Variants in RHEB observed in about 807,000 individuals in gnomAD.
RHEB encodes the protein Ras homolog, mTORC1 binding.
Under a neutral mutation model 28.8 loss-of-function variants are expected in RHEB, and 2 were observed. The ratio of observed to expected loss-of-function variants is 0.07; its 90% CI spans 0.03 to 0.22. The LOEUF (loss-of-function observed/expected upper bound fraction) is 0.22. Among genes scored for constraint, RHEB ranks in the 10% least tolerant of loss-of-function variants. The probability of loss-of-function intolerance (pLI) is 1.00; values close to 1 mark genes in which losing one functional copy is unlikely to be tolerated. For synonymous variants in RHEB, 69 were observed against 77.3 expected (o/e 0.89, Z 0.56); for missense variants, 76 against 219.9 (o/e 0.35, Z 4.14).
chr7:151,498,468 C>T (rs901083080), intron 1 of RHEB, among the ~76,000 whole-genome samples: 32 of 151,030 alleles, frequency 2.1e-4, no homozygotes, highest in Non-Finnish European at 1.5e-5. Flanking sequence ...AAAAAAAATA[C>T]AAAAAAAAAT....
intron 1 of RHEB, among the ~76,000 whole-genome samples, chr7:151,494,934 A>C (rs1356820136): frequency 1.3e-5 from 2 of 152,042 alleles, no homozygotes; most frequent in African/African-American, 4.8e-5. Flanking sequence ...TCATAAATAA[A>C]CCCCACCGCT....
intron 1 of RHEB, among the ~76,000 whole-genome samples, chr7:151,497,787 C>T (rs1802700141): frequency 6.6e-6 from 1 of 152,174 alleles, no homozygotes; most frequent in Admixed American, 6.5e-5. Flanking sequence ...GCTGTTCTAT[C>T]CCCTTGTTCT....
chr7:151,501,950 G>A, intron 1 of RHEB: 1 of 696,138 alleles, frequency 1.4e-6, no homozygotes, highest in Non-Finnish European at 2.6e-6. Context: ...TAAGAGCTTG[G>A]AGGCGGGCTG....
At chr7:151,489,032 C>T (rs1444622246) in intron 2 of RHEB, among the ~76,000 whole-genome samples, 2 of 152,182 alleles carry the variant, frequency 1.3e-5, no homozygotes, top group Non-Finnish European at 2.9e-5. Context: ...CCTCAAACTC[C>T]TGGGTTCAAG....
In RHEB at chr7:151,490,967, A is replaced by T; in HGVS notation, c.100T>A (p.Ser34Thr). The T allele has an allele frequency of 1.2e-6, 2 of 1,612,570 alleles. No individual in the cohort carries two copies. The highest frequency in any genetic ancestry group is 1.7e-6 in the Non-Finnish European group (2 of 1,179,094). ...CTGTTTTCTATGGTTGGATCGTAGG[A>T]GTCCACAAATTGGCCTTCAACAAAT... ...IQFVEGQFVD[S>T]YDPTIENTFT... Residue 34 changes from serine (S) to threonine (T), a missense_variant, in exon 2 of 8, where the codon TCC (serine) becomes ACC (threonine). Transcript: ENST00000262187.
At chr7:151,481,405 G>C (rs1053090821) in intron 3 of RHEB, among the ~76,000 whole-genome samples, 8 of 152,158 alleles carry the variant, frequency 5.3e-5, no homozygotes, top group African/African-American at 1.9e-4. Flanking sequence ...CCTGAAATGT[G>C]GAAGCCAGTG....
At chr7:151,487,288 G>C (rs915695403) in intron 2 of RHEB, among the ~76,000 whole-genome samples, 3 of 152,218 alleles carry the variant, frequency 2.0e-5, no homozygotes, top group African/African-American at 7.2e-5. Context: ...AGGACAGAGT[G>C]AAAGACCTTG....
At chr7:151,516,606 G>C (rs1803083369) in intron 1 of RHEB, among the ~76,000 whole-genome samples, 1 of 115,856 alleles carries the variant, frequency 8.6e-6, no homozygotes, top group Admixed American at 1.1e-4. Context: ...CTGGGTGATA[G>C]AGTGAGACTC....
chr7:151,510,704 C>T (rs990794262), intron 1 of RHEB, among the ~76,000 whole-genome samples: 1 of 152,210 alleles, frequency 6.6e-6, no homozygotes, highest in Non-Finnish European at 1.5e-5. Context: ...TCCTCTTCAA[C>T]CAACAGTTGC....
chr7:151,501,456 T>C (rs1802770279), intron 1 of RHEB, among the ~76,000 whole-genome samples: 2 of 152,218 alleles, frequency 1.3e-5, no homozygotes, highest in Admixed American at 6.5e-5. Flanking sequence ...TCCCAGTGCT[T>C]GCTAGGACGT....
At chr7:151,514,584 C>T (rs1387885217) in intron 1 of RHEB, among the ~76,000 whole-genome samples, 2 of 152,128 alleles carry the variant, frequency 1.3e-5, no homozygotes, top group African/African-American at 2.4e-5. Context: ...TAAAATTGTG[C>T]AGCTGTTCTG....
At chr7:151,503,473 T>C (rs1284140454) in intron 1 of RHEB, 1 of 1,066,104 alleles carries the variant, frequency 9.4e-7, no homozygotes, top group South Asian at 1.3e-5. Context: ...GACATGAGTC[T>C]GGCAAAACGT....
In RHEB at chr7:151,493,224, C is replaced by CCCCGACAA. The variant is rs1310322131; in HGVS notation, c.53-2218_53-2211dup. On this transcript the variant is annotated intron_variant, in intron 1 of 7. Coordinates refer to ENST00000262187, the MANE Select transcript of RHEB (RefSeq NM_005614.4). Reference sequence around the variant, plus strand: ...CACTCTGACCTCATCCGCCAACAGCCCCCGACAACCCATCCTGAGGCTCCA... The same window carrying CCCCGACAA: ...CACTCTGACCTCATCCGCCAACAGCCCCCGACAACCCGACAACCCATCCTGAGGCTCCA... Among the ~76,000 whole-genome samples, 5 of 152,060 alleles carry CCCCGACAA rather than the reference C, an allele frequency of 3.3e-5. No homozygotes were observed. The East Asian group carries it at 9.6e-4, about 29-fold the overall frequency.
chr7:151,477,893 G>C (rs568796928), intron 3 of RHEB, among the ~76,000 whole-genome samples: 2 of 152,202 alleles, frequency 1.3e-5, no homozygotes, highest in African/African-American at 4.8e-5. Flanking sequence ...TGCTAGAGGG[G>C]TGCCATCAGC....
At chr7:151,488,198 A>G (rs987531647) in intron 2 of RHEB, among the ~76,000 whole-genome samples, 2 of 152,234 alleles carry the variant, frequency 1.3e-5, no homozygotes, top group Non-Finnish European at 1.5e-5. Flanking sequence ...ACAGTAGATA[A>G]TGAAGTACAC....
At chr7:151,502,772 T>C (rs1802795697) in intron 1 of RHEB, 1 of 1,485,834 alleles carries the variant, frequency 6.7e-7, no homozygotes, top group Non-Finnish European at 9.4e-7. Context: ...ATAACTATGT[T>C]CAGAAAGTAG....
chr7:151,500,594 T>C (rs557817696), intron 1 of RHEB, among the ~76,000 whole-genome samples: 1 of 152,290 alleles, frequency 6.6e-6, no homozygotes, highest in South Asian at 2.1e-4. Context: ...GGCTGTAATC[T>C]CCACACTTTG....
Position 151,472,992 on chromosome 7 carries a change from T to C in RHEB, c.276-1387A>G, listed in dbSNP as rs948266564. Reference sequence around the variant, plus strand: ...CCACTTGGGCAAAAATACAGTACCCTGTCACGTGAGAAACAGCTGAAAGAA... The same window carrying C: ...CCACTTGGGCAAAAATACAGTACCCCGTCACGTGAGAAACAGCTGAAAGAA... On this transcript the variant is annotated intron_variant, in intron 4 of 7. Transcript: ENST00000262187. The surrounding 1 kb of genome is among the most constrained non-coding windows in gnomAD (Gnocchi z 5.2). 2.0e-5 allele frequency among the ~76,000 whole-genome samples: 3 copies of C among 152,222 alleles called. No individual in the cohort carries two copies. Among genetic ancestry groups the C allele is most frequent in the Non-Finnish European group, 2.9e-5 (2 of 68,038 alleles).
chr7:151,510,894 CAAGT>C (rs1226694077), intron 1 of RHEB, among the ~76,000 whole-genome samples: 2 of 151,900 alleles, frequency 1.3e-5, no homozygotes, highest in Non-Finnish European at 2.9e-5. Context: ...GTCGAGGCAA[CAAGT>C]AAGACCTCAT....
Sources: allele counts gnomAD v4.1 joint callset (sites outside exome capture counted in the v4.1 genomes callset), GRCh38; gene constraint gnomAD v4.1.1; non-coding constraint Gnocchi (gnomAD v3.1); transcripts MANE v1.5; gene names NCBI Gene and HGNC (gene_info 2026-07-23, HGNC 2026-07-21).